The following HSPBAP1 variants were observed in gnomAD, a reference collection of about 807,000 sequenced individuals.
The protein encoded by HSPBAP1 is HSPB1-associated protein 1.
Under a neutral mutation model 45.2 loss-of-function variants are expected in HSPBAP1, and 27 were observed. That is an observed-to-expected ratio of 0.60 (90% CI 0.44 to 0.82). HSPBAP1 has a LOEUF of 0.82. Among genes scored for constraint, HSPBAP1 ranks in the 40% least tolerant of loss-of-function variants. The pLI, the probability that HSPBAP1 is intolerant of heterozygous loss-of-function variation, is 0.00. For missense variants in HSPBAP1, 510 were observed against 590.9 expected (o/e 0.86, Z 1.42); for synonymous variants, 204 against 202.7 (o/e 1.01, Z -0.06).
chr3:122,752,813 A>G, intron 5 of HSPBAP1, 139 bp from the exon 6 acceptor site: 1 of 1,398,074 alleles, frequency 7.2e-7, no homozygotes, highest in Non-Finnish European at 9.3e-7. Flanking sequence ...AAAGTAAAGT[A>G]AGAAAAAAAA....
chr3:122,783,774 T>A (rs1935566340), intron 1 of HSPBAP1, among the ~76,000 whole-genome samples: 2 of 143,826 alleles, frequency 1.4e-5, no homozygotes, highest in African/African-American at 5.2e-5. Context: ...TCAGCCTTTA[T>A]TACCCATCTT....
chr3:122,776,383 GA>G (rs1385577054), intron 2 of HSPBAP1, among the ~76,000 whole-genome samples: 1 of 152,092 alleles, frequency 6.6e-6, no homozygotes, highest in African/African-American at 2.4e-5. Context: ...GTATTAACTT[GA>G]AAATGTCAAA....
intron 2 of HSPBAP1, among the ~76,000 whole-genome samples, chr3:122,775,465 A>G (rs1935159851): frequency 6.6e-6 from 1 of 152,170 alleles, no homozygotes; most frequent in Non-Finnish European, 1.5e-5. Flanking sequence ...TAGAATAGTT[A>G]TAATTTTTTT....
chr3:122,752,562 A>T (rs771024461), intron 6 of HSPBAP1, 29 bp downstream of exon 6: 7 of 376,152 alleles, frequency 1.9e-5, no homozygotes, highest in Non-Finnish European at 1.9e-5. Context: ...CACTTACTTA[A>T]AAAAAAAAAA....
At chr3:122,793,191 C>A (rs1219618959) in intron 1 of HSPBAP1, among the ~76,000 whole-genome samples, 1 of 152,164 alleles carries the variant, frequency 6.6e-6, no homozygotes, top group South Asian at 2.1e-4. Context: ...AACCTCATCC[C>A]CACTTGCTAA....
At chr3:122,757,530 T>C (rs774910661) in intron 4 of HSPBAP1, among the ~76,000 whole-genome samples, 3 of 152,198 alleles carry the variant, frequency 2.0e-5, no homozygotes, top group Non-Finnish European at 4.4e-5. Flanking sequence ...AACCTTCCTC[T>C]AGAGCATGGG....
intron 4 of HSPBAP1, among the ~76,000 whole-genome samples, chr3:122,756,469 T>G (rs1403665067): frequency 6.6e-6 from 1 of 152,082 alleles, no homozygotes; most frequent in African/African-American, 2.4e-5. Context: ...GAAGGAATGC[T>G]TGAGGCCAGG....
At chr3:122,784,138 C>T (rs1935579852) in intron 1 of HSPBAP1, among the ~76,000 whole-genome samples, 1 of 152,128 alleles carries the variant, frequency 6.6e-6, no homozygotes, top group African/African-American at 2.4e-5. Flanking sequence ...CTTTTCAATG[C>T]CTTTTACCCA....
intron 6 of HSPBAP1, among the ~76,000 whole-genome samples, chr3:122,751,361 A>G (rs1488888837): frequency 6.6e-6 from 1 of 152,188 alleles, no homozygotes; most frequent in African/African-American, 2.4e-5. Context: ...GGAGGCTTGA[A>G]GAGATTAAGT....
intron 3 of HSPBAP1, among the ~76,000 whole-genome samples, chr3:122,762,748 T>C (rs1372523762): frequency 6.6e-6 from 1 of 152,238 alleles, no homozygotes; most frequent in East Asian, 1.9e-4. Flanking sequence ...TTGTATGAGT[T>C]AAATCCTTTT....
At chr3:122,789,519 T>A (rs1332220137) in intron 1 of HSPBAP1, among the ~76,000 whole-genome samples, 1 of 152,240 alleles carries the variant, frequency 6.6e-6, no homozygotes, top group Non-Finnish European at 1.5e-5. Flanking sequence ...TTTAATTATT[T>A]CTAAGCTGTT....
intron 6 of HSPBAP1, among the ~76,000 whole-genome samples, chr3:122,747,075 C>A (rs539381075): frequency 6.6e-6 from 1 of 152,220 alleles, no homozygotes; most frequent in Non-Finnish European, 1.5e-5. Flanking sequence ...CGGCCGCCAC[C>A]CCATCTGGGA....
chr3:122,752,708 A>C, intron 5 of HSPBAP1, 34 bp from the exon 6 acceptor site: 2 of 1,539,966 alleles, frequency 1.3e-6, no homozygotes, highest in Non-Finnish European at 1.8e-6. Flanking sequence ...TAGCACAAGA[A>C]CAGGACGTTT....
chr3:122,766,378 G>A, intron 3 of HSPBAP1, among the ~76,000 whole-genome samples: 1 of 152,144 alleles, frequency 6.6e-6, no homozygotes, highest in Non-Finnish European at 1.5e-5. Flanking sequence ...AAGACTTGGT[G>A]CCCAGAAAAT....
intron 1 of HSPBAP1, among the ~76,000 whole-genome samples, chr3:122,780,647 G>C (rs1443893790): frequency 2.0e-5 from 3 of 148,424 alleles, no homozygotes; most frequent in Non-Finnish European, 4.5e-5. Context: ...CTGGCCAGGC[G>C]GGGGGCTGAC....
At chr3:122,751,071 C>CT (rs1353836538) in intron 6 of HSPBAP1, among the ~76,000 whole-genome samples, 3 of 152,096 alleles carry the variant, frequency 2.0e-5, no homozygotes, top group African/African-American at 7.2e-5. Flanking sequence ...ACTTAAAAAA[C>CT]TAACCCAATA....
At chr3:122,746,335 T>G (rs1933849812) in intron 6 of HSPBAP1, among the ~76,000 whole-genome samples, 1 of 149,548 alleles carries the variant, frequency 6.7e-6, no homozygotes, top group Non-Finnish European at 1.5e-5. Context: ...AAGCTGATTT[T>G]AAAGAACACA....
intron 3 of HSPBAP1, among the ~76,000 whole-genome samples, chr3:122,761,327 T>A (rs1372704924): frequency 6.6e-6 from 1 of 151,962 alleles, no homozygotes; most frequent in Non-Finnish European, 1.5e-5. Flanking sequence ...TTCAAAGAGG[T>A]GACAGACCAA....
chr3:122,792,548 CCCTAAATACAT>C (rs1206752701), intron 1 of HSPBAP1, among the ~76,000 whole-genome samples: 2 of 151,938 alleles, frequency 1.3e-5, no homozygotes, highest in Non-Finnish European at 2.9e-5. Flanking sequence ...ACTGTTTGAC[CCCTAAATACAT>C]CCATCCTTTT....
Sources: allele counts gnomAD v4.1 joint callset (sites outside exome capture counted in the v4.1 genomes callset), GRCh38; gene constraint gnomAD v4.1.1; transcripts MANE v1.5; gene names NCBI Gene and HGNC (gene_info 2026-07-23, HGNC 2026-07-21).